The following RBFOX1 variants were observed in gnomAD, a reference collection of about 807,000 sequenced individuals.
The protein encoded by RBFOX1 is RNA binding fox-1 homolog 1.
RBFOX1 carries 8 observed loss-of-function variants against 57.7 expected under a neutral mutation model. That is an observed-to-expected ratio of 0.14 (90% CI 0.08 to 0.25). RBFOX1 has a LOEUF of 0.25. Among genes scored for constraint, RBFOX1 ranks in the 10% least tolerant of loss-of-function variants. RBFOX1 has a pLI of 1.00. For missense variants in RBFOX1, 611 were observed against 548.5 expected (o/e 1.11, Z -1.14); for synonymous variants, 326 against 222.4 (o/e 1.47, Z -4.15).
chr16:6,635,793 G>C (rs1421792768), intron 2 of RBFOX1, among the ~76,000 whole-genome samples: 1 of 152,134 alleles, frequency 6.6e-6, no homozygotes, highest in Non-Finnish European at 1.5e-5. Context: ...TGACCAGTCA[G>C]TCTTAGGGTT....
intron 5 of RBFOX1, among the ~76,000 whole-genome samples, chr16:7,542,947 G>A (rs1037701371): frequency 6.6e-6 from 1 of 152,032 alleles, no homozygotes; most frequent in Non-Finnish European, 1.5e-5. Flanking sequence ...AACAAGAAAG[G>A]CAAGTGACAT....
intron 9 of RBFOX1, among the ~76,000 whole-genome samples, chr16:7,600,552 C>G (rs1003607986): frequency 6.6e-6 from 1 of 152,078 alleles, no homozygotes; most frequent in African/African-American, 2.4e-5. Flanking sequence ...GAAAATTAAG[C>G]CATCGGTGAG....
rs148214480 is a variant in RBFOX1 at position 5,663,002 on chromosome 16, A to G, written c.318+64041A>G. 6.0e-3 allele frequency among the ~76,000 whole-genome samples: 918 copies of G among 152,218 alleles called. 6 individuals are homozygous for G. Among genetic ancestry groups the G allele is most frequent in the Non-Finnish European group, 0.01 (714 of 68,020 alleles). The stretch of plus-strand genomic sequence containing the variant: ...GGGGTTTCCAGTGGGCAGGAGAGCA[A>G]TTTTGCCTCCCAGAGGGCAGTTGGC... On this transcript the variant is annotated intron_variant, in intron 3 of 19. Transcript: ENST00000641259.
At chr16:6,309,574 A>G (rs767892429) in intron 1 of RBFOX1, among the ~76,000 whole-genome samples, 1 of 152,118 alleles carries the variant, frequency 6.6e-6, no homozygotes, top group Middle Eastern at 3.2e-3. Flanking sequence ...TTTAATCAGA[A>G]CATACCCTAC....
At chr16:5,717,268 G>A (rs2051738670) in intron 3 of RBFOX1, among the ~76,000 whole-genome samples, 1 of 151,948 alleles carries the variant, frequency 6.6e-6, no homozygotes, top group African/African-American at 2.4e-5. Flanking sequence ...TGTTTCCTGT[G>A]AATTTATCTT....
intron 2 of RBFOX1, among the ~76,000 whole-genome samples, chr16:5,528,881 C>A (rs369133392): frequency 6.6e-6 from 1 of 152,114 alleles, no homozygotes; most frequent in African/African-American, 2.4e-5. Flanking sequence ...AACTCCTGAG[C>A]TCAAGTGATC....
intron 3 of RBFOX1, among the ~76,000 whole-genome samples, chr16:7,001,502 G>A (rs1010385432): frequency 6.6e-6 from 1 of 152,066 alleles, no homozygotes; most frequent in Non-Finnish European, 1.5e-5. Context: ...TGTTGCCGAG[G>A]ATGGAGTACA....
At chr16:6,148,846 G>A (rs999718566) in intron 1 of RBFOX1, among the ~76,000 whole-genome samples, 1 of 152,134 alleles carries the variant, frequency 6.6e-6, no homozygotes, top group African/African-American at 2.4e-5. Flanking sequence ...ATGTGGAGCA[G>A]TTTTAGAATT....
intron 2 of RBFOX1, among the ~76,000 whole-genome samples, chr16:6,393,617 ACTGCTG>A (rs1313628393): frequency 1.3e-5 from 2 of 152,024 alleles, no homozygotes; most frequent in East Asian, 3.9e-4. Context: ...CTGAGAATTC[ACTGCTG>A]TTGCTGACCT....
In RBFOX1 at chr16:7,055,829, ACT is replaced by A. The variant is rs375863660; in HGVS notation, c.27+3734_27+3735del. On this transcript the variant is annotated intron_variant, in intron 4 of 15. Coordinates refer to ENST00000550418, the MANE Select transcript of RBFOX1 (RefSeq NM_018723.4). ...CTACAAAAGGAATTCACAGGGGTCC[ACT>A]CTGTTTGTCAGGGTGCTGGTTTCCT... 8.3e-4 allele frequency among the ~76,000 whole-genome samples: 126 copies of A among 151,996 alleles called. 1 individual carries two copies. Among genetic ancestry groups the A allele is most frequent in the African/African-American group, 3.0e-3 (123 of 41,442 alleles).
rs941405725 is a variant in RBFOX1, at chr16:7,291,964, T to C, written c.28-226183T>C. Among the ~76,000 whole-genome samples, 20 of 103,352 alleles carry C rather than the reference T, an allele frequency of 1.9e-4. 1 individual carries two copies. In the Admixed American group the frequency reaches 2.1e-3, roughly 11 times the overall value. The allele number at this position is 103,352 out of a possible 152,430, so 67.8% of individuals were successfully genotyped here. A position where few individuals can be genotyped will look rare whatever the true frequency, so the allele number is the denominator to read the frequency against. ...TATATATTATGTATATAATATATAA[T>C]ATATTTTATATATAATATAGAATAT... On this transcript the variant is annotated intron_variant, in intron 4 of 15. Transcript: ENST00000550418.
At chr16:6,100,411 C>G (rs879625766) in intron 1 of RBFOX1, among the ~76,000 whole-genome samples, 5 of 152,178 alleles carry the variant, frequency 3.3e-5, no homozygotes, top group Admixed American at 6.5e-5. Context: ...ATCCGCCCGC[C>G]GCGGCCTCCC....
At chr16:7,099,496 C>A (rs564651567) in intron 4 of RBFOX1, among the ~76,000 whole-genome samples, 9 of 152,290 alleles carry the variant, frequency 5.9e-5, no homozygotes, top group Admixed American at 1.3e-4. Context: ...TTCTTCTCTT[C>A]TCCTATTACT....
At chr16:5,473,109 C>T (rs932778883) in intron 2 of RBFOX1, among the ~76,000 whole-genome samples, 6 of 152,230 alleles carry the variant, frequency 3.9e-5, no homozygotes, top group African/African-American at 1.4e-4. Context: ...AAACATGCCC[C>T]TTTCCATTGC....
intron 4 of RBFOX1, among the ~76,000 whole-genome samples, chr16:5,872,047 C>T (rs2057487244): frequency 6.6e-6 from 1 of 152,140 alleles, no homozygotes; most frequent in Non-Finnish European, 1.5e-5. Flanking sequence ...TCATTTATTT[C>T]TCTTGTCTTC....
At chr16:6,490,501 C>A (rs2095607961) in intron 2 of RBFOX1, among the ~76,000 whole-genome samples, 1 of 152,204 alleles carries the variant, frequency 6.6e-6, no homozygotes, top group Admixed American at 6.5e-5. Flanking sequence ...CTGTCCTCAG[C>A]TTACCAATCT....
At chr16:6,576,804 C>G (rs2097445336) in intron 2 of RBFOX1, 1 of 152,074 alleles carries the variant, frequency 6.6e-6, no homozygotes, top group Admixed American at 6.6e-5. Context: ...GGTGTTAAGC[C>G]AAGGCAAAGA....
At chr16:5,999,891 A>T (rs1243322063) in intron 4 of RBFOX1, among the ~76,000 whole-genome samples, 21 of 80,304 alleles carry the variant, frequency 2.6e-4, no homozygotes, top group Non-Finnish European at 5.4e-4. Context: ...AAAAAAAAAA[A>T]AAAAAAAAAA....
At chr16:7,318,797 C>G (rs555938739) in intron 4 of RBFOX1, among the ~76,000 whole-genome samples, 1 of 152,266 alleles carries the variant, frequency 6.6e-6, no homozygotes, top group Admixed American at 6.5e-5. Flanking sequence ...CCCCATCTCT[C>G]CATGTGTTCT....
Sources: gnomAD v4.1 joint callset for allele counts (sites outside exome capture counted in the v4.1 genomes callset) on GRCh38, gnomAD v4.1.1 for gene constraint, MANE v1.5 for transcripts, NCBI Gene and HGNC (gene_info 2026-07-23, HGNC 2026-07-21) for gene names.